ZMIZ1: variants seen among roughly 807,000 people sequenced by gnomAD.
The protein encoded by ZMIZ1 is zinc finger MIZ domain-containing protein 1.
In ZMIZ1, 17 loss-of-function variants were observed where a neutral mutation model predicts 113.9. The observed-to-expected ratio is 0.15, with a 90% CI of 0.10 to 0.22. The LOEUF (loss-of-function observed/expected upper bound fraction) is 0.22, where lower values mean the gene tolerates loss of function less well. Among genes scored for constraint, ZMIZ1 ranks in the 10% least tolerant of loss-of-function variants. The pLI, the probability that ZMIZ1 is intolerant of heterozygous loss-of-function variation, is 1.00. For synonymous variants in ZMIZ1, 607 were observed against 603.1 expected, an observed-to-expected ratio of 1.01 and a Z score of -0.09; for missense variants, 1,059 against 1,477.8, an observed-to-expected ratio of 0.72 and a Z score of 4.65.
chr10:79,269,460 C>CACACAA (rs1254269858), intron 7 of ZMIZ1, among the ~76,000 whole-genome samples: 1 of 108,784 alleles, frequency 9.2e-6, no homozygotes, highest in East Asian at 3.3e-4. Context: ...CCCCCCAACA[C>CACACAA]ACACACACAC....
At chr10:79,107,728 C>T (rs1309682667) in intron 1 of ZMIZ1, among the ~76,000 whole-genome samples, 1 of 152,180 alleles carries the variant, frequency 6.6e-6, no homozygotes, top group East Asian at 1.9e-4. Flanking sequence ...CTGGCCTGAT[C>T]CTGGCAGATA....
chr10:79,125,673 G>A (rs1488349124), intron 2 of ZMIZ1, among the ~76,000 whole-genome samples: 1 of 152,212 alleles, frequency 6.6e-6, no homozygotes, highest in African/African-American at 2.4e-5. Context: ...CGACCTTGCA[G>A]CAAGTAATAG....
At chr10:79,174,449 G>A (rs1846739138) in intron 4 of ZMIZ1, among the ~76,000 whole-genome samples, 1 of 152,240 alleles carries the variant, frequency 6.6e-6, no homozygotes, top group African/African-American at 2.4e-5. Context: ...CATTTGATGG[G>A]CAGTGGGGAG....
chr10:79,282,913 A>G (rs187238500), intron 8 of ZMIZ1, among the ~76,000 whole-genome samples: 2 of 152,324 alleles, frequency 1.3e-5, no homozygotes, highest in Admixed American at 1.3e-4. Context: ...AAGGTCCAGG[A>G]CCAGTGCCTG....
chr10:79,146,417 C>T (rs1026429216), intron 3 of ZMIZ1, among the ~76,000 whole-genome samples: 3 of 152,202 alleles, frequency 2.0e-5, no homozygotes, highest in African/African-American at 7.2e-5. Context: ...CTAGACACCC[C>T]CTTCTTCTAC....
chr10:79,309,788 C>T (rs908381685), intron 23 of ZMIZ1, among the ~76,000 whole-genome samples: 6 of 152,184 alleles, frequency 3.9e-5, no homozygotes, highest in African/African-American at 1.4e-4. Flanking sequence ...CAGGATGGGG[C>T]AGGGTGAGGG....
chr10:79,217,610 C>T (rs1299662530), intron 7 of ZMIZ1, among the ~76,000 whole-genome samples: 1 of 152,238 alleles, frequency 6.6e-6, no homozygotes, highest in East Asian at 1.9e-4. Context: ...TATATAGACA[C>T]AGCCTTCATG....
chr10:79,312,837 A>G lies in ZMIZ1; in HGVS notation c.*88A>G, dbSNP rs1168946615. ...TTTCCACCTGGGAGCCTGTGCCCTC[A>G]GACCGCCCCGCACCAGAGCCACGGG... On this transcript the variant is annotated 3_prime_UTR_variant, in exon 25 of 25. Transcript: ENST00000334512. 1.7e-5 allele frequency: 22 copies of G among 1,317,614 alleles called. No individual in the cohort carries two copies. The highest frequency in any genetic ancestry group is 2.3e-5 in the Non-Finnish European group (21 of 925,090). 81.6% of individuals were successfully genotyped at this position (1,317,614 alleles called of 1,614,324 possible).
chr10:79,116,549 G>A (rs1016327921), intron 1 of ZMIZ1, among the ~76,000 whole-genome samples: 1 of 152,164 alleles, frequency 6.6e-6, no homozygotes, highest in Non-Finnish European at 1.5e-5. Flanking sequence ...GATGCAGCCT[G>A]TGGGGGTGCA....
At chr10:79,156,334 T>C (rs867980017) in intron 3 of ZMIZ1, among the ~76,000 whole-genome samples, 1 of 152,104 alleles carries the variant, frequency 6.6e-6, no homozygotes, top group Non-Finnish European at 1.5e-5. Context: ...ACCCTAGGTT[T>C]GCGTGGCATG....
intron 4 of ZMIZ1, among the ~76,000 whole-genome samples, chr10:79,163,307 C>T (rs547666933): frequency 5.3e-5 from 8 of 152,370 alleles, no homozygotes; most frequent in South Asian, 4.1e-4. Context: ...GCTCCATCTC[C>T]GTTCCTGCTG....
chr10:79,286,237 C>G (rs1294929329), intron 8 of ZMIZ1, among the ~76,000 whole-genome samples: 3 of 152,256 alleles, frequency 2.0e-5, no homozygotes, highest in Non-Finnish European at 4.4e-5. Flanking sequence ...CCATCCCAGC[C>G]AGGCCATGCC....
rs75785260 is a variant in ZMIZ1 at position 79,196,659 on chromosome 10, G to A, written c.-49-4925G>A. Among the ~76,000 whole-genome samples, 1,424 of 152,270 alleles carry A rather than the reference G, an allele frequency of 9.4e-3. 25 individuals are homozygous for A. Among genetic ancestry groups the A allele is most frequent in the South Asian group, 0.071 (343 of 4,826 alleles). On this transcript the variant is annotated intron_variant, in intron 4 of 24. Transcript: ENST00000334512. Reference sequence around the variant, plus strand: ...AAAGCAGGACCTGGGCCCCCGCTATGACTAAACAGAAAAGAACTGCCTCTG... The same window carrying A: ...AAAGCAGGACCTGGGCCCCCGCTATAACTAAACAGAAAAGAACTGCCTCTG...
intron 18 of ZMIZ1, 149 bp from the exon 19 acceptor site, chr10:79,303,866 C>A: frequency 8.5e-7 from 1 of 1,173,438 alleles, no homozygotes; most frequent in Non-Finnish European, 1.2e-6. Context: ...CACACAGTGC[C>A]ACACACTGCC....
chr10:79,165,948 C>CTG (rs1174980856), intron 4 of ZMIZ1, among the ~76,000 whole-genome samples: 1,153 of 59,740 alleles, frequency 0.019, 25 homozygotes, highest in South Asian at 0.041. Flanking sequence ...CCCAGCTCAG[C>CTG]TGTGTGTGTG....
chr10:79,228,289 C>A (rs1849268073), intron 7 of ZMIZ1, among the ~76,000 whole-genome samples: 1 of 152,228 alleles, frequency 6.6e-6, no homozygotes, highest in Non-Finnish European at 1.5e-5. Flanking sequence ...CAAAGTAGCT[C>A]AACCCTTTGT....
chr10:79,130,175 T>C (rs1391140480), intron 2 of ZMIZ1, among the ~76,000 whole-genome samples: 1 of 152,228 alleles, frequency 6.6e-6, no homozygotes, highest in Non-Finnish European at 1.5e-5. Flanking sequence ...TTCCTGCTTC[T>C]GAATCCCTGA....
chr10:79,108,518 T>G, intron 1 of ZMIZ1, among the ~76,000 whole-genome samples: 1 of 150,722 alleles, frequency 6.6e-6, no homozygotes, highest in Non-Finnish European at 1.5e-5. Flanking sequence ...AGGCTGAGAG[T>G]GAAGGAAGAA....
chr10:79,163,589 G>A (rs1204071079), intron 4 of ZMIZ1, among the ~76,000 whole-genome samples: 1 of 152,220 alleles, frequency 6.6e-6, no homozygotes, highest in South Asian at 2.1e-4. Context: ...TTCTCCAGAG[G>A]CTCGGCGTGG....
Sources: gnomAD v4.1 joint callset for allele counts (sites outside exome capture counted in the v4.1 genomes callset) on GRCh38, gnomAD v4.1.1 for gene constraint, MANE v1.5 for transcripts, NCBI Gene and HGNC (gene_info 2026-07-23, HGNC 2026-07-21) for gene names.